The following RFX3 variants were observed in gnomAD, a reference collection of about 807,000 sequenced individuals.
The protein encoded by RFX3 is transcription factor RFX3.
In RFX3, 14 loss-of-function variants were observed where a neutral mutation model predicts 98.6. That is an observed-to-expected ratio of 0.14 (90% CI 0.09 to 0.22). The LOEUF is 0.22. Ranked by LOEUF, RFX3 falls within the 10% of genes least tolerant of loss-of-function variation. The pLI is 1.00. For synonymous variants in RFX3, 383 were observed against 328.4 expected, an observed-to-expected ratio of 1.17 and a Z score of -1.80; for missense variants, 639 against 926.9, an observed-to-expected ratio of 0.69 and a Z score of 4.03.
chr9:3,462,286 T>C (rs1367715430), intron 1 of RFX3, among the ~76,000 whole-genome samples: 2 of 152,038 alleles, frequency 1.3e-5, no homozygotes, highest in Admixed American at 6.5e-5. Context: ...AGAATATCAA[T>C]CAGGATATTT....
intron 3 of RFX3, among the ~76,000 whole-genome samples, chr9:3,333,356 C>T (rs986243450): frequency 6.6e-6 from 1 of 151,726 alleles, no homozygotes; most frequent in Non-Finnish European, 1.5e-5. Flanking sequence ...GGGTAAAGAG[C>T]CCTTTCCAGA....
At chr9:3,390,159 T>C (rs187478179) in intron 2 of RFX3, among the ~76,000 whole-genome samples, 2 of 152,298 alleles carry the variant, frequency 1.3e-5, no homozygotes, top group African/African-American at 4.8e-5. Context: ...AAATTTCATC[T>C]TGAATTATAA....
rs1818997019 is a variant in RFX3 at position 3,524,236 on chromosome 9, A to G, written c.-9+1511T>C. Among the ~76,000 whole-genome samples the G allele has an allele frequency of 2.0e-5, 3 of 152,306 alleles. No homozygotes were observed. In the South Asian group the frequency reaches 6.2e-4, roughly 32 times the overall value. On this transcript the variant is annotated intron_variant, in intron 1 of 16. Transcript: ENST00000617270. ...ACTAAAAGTTAAGCTGAAAAAAATG[A>G]ACAAATTTAGGGGATCTGTAAAACT...
intron 1 of RFX3, among the ~76,000 whole-genome samples, chr9:3,482,265 A>C (rs1849835563): frequency 6.6e-6 from 1 of 151,998 alleles, no homozygotes; most frequent in South Asian, 2.1e-4. Flanking sequence ...TTTCATAATA[A>C]ACTTTGATTT....
chr9:3,272,679 G>A (rs1824655363), intron 9 of RFX3, among the ~76,000 whole-genome samples: 1 of 152,152 alleles, frequency 6.6e-6, no homozygotes, highest in South Asian at 2.1e-4. Context: ...CTCTAAAAGT[G>A]TGGAGCAACT....
intron 1 of RFX3, among the ~76,000 whole-genome samples, chr9:3,435,265 T>C (rs1463570078): frequency 6.6e-6 from 1 of 152,090 alleles, no homozygotes; most frequent in Non-Finnish European, 1.5e-5. Flanking sequence ...TTCTACTTTA[T>C]AAACTTTTTA....
intron 1 of RFX3, among the ~76,000 whole-genome samples, chr9:3,484,247 C>T (rs1346197350): frequency 3.9e-5 from 6 of 152,172 alleles, no homozygotes; most frequent in Non-Finnish European, 7.3e-5. Context: ...CTACTGCCCT[C>T]GGAGACAGCA....
At chr9:3,489,554 A>T in intron 1 of RFX3, 1 of 255,424 alleles carries the variant, frequency 3.9e-6, no homozygotes, top group Non-Finnish European at 6.2e-6. Context: ...TCTACTGATA[A>T]GCCTGCTACT....
chr9:3,348,823 T>C (rs910731278), intron 2 of RFX3, among the ~76,000 whole-genome samples: 2 of 152,154 alleles, frequency 1.3e-5, no homozygotes, highest in African/African-American at 2.4e-5. Flanking sequence ...TAGCCTCTTC[T>C]AACTAGTTCC....
intron 1 of RFX3, among the ~76,000 whole-genome samples, chr9:3,415,147 A>C: frequency 7.3e-6 from 1 of 137,144 alleles, no homozygotes. Context: ...TCTATATACT[A>C]TATATATTCT....
intron 12 of RFX3, among the ~76,000 whole-genome samples, chr9:3,264,715 T>C (rs1823386301): frequency 6.6e-6 from 1 of 152,190 alleles, no homozygotes; most frequent in Non-Finnish European, 1.5e-5. Flanking sequence ...GCCACAGTAG[T>C]TGGAATGCTG....
intron 2 of RFX3, among the ~76,000 whole-genome samples, chr9:3,347,219 G>A (rs961255278): frequency 9.2e-5 from 14 of 152,012 alleles, no homozygotes; most frequent in African/African-American, 3.4e-4. Flanking sequence ...TACTTGGGAG[G>A]CTGAGGCAGG....
rs550111623 is a variant in RFX3 at position 3,442,622 on chromosome 9, A to G, written c.-8-47026T>C. Among the ~76,000 whole-genome samples the G allele has an allele frequency of 5.1e-4, 78 of 152,326 alleles. 1 individual carries two copies. The highest frequency in any genetic ancestry group is 9.7e-4 in the Non-Finnish European group (66 of 68,028). ...TACCCCCTGGTTGCCTAGTTGTAACAAATATATCATGCTTATTTAAAACGT... is the reference window on the plus strand; with the variant it reads ...TACCCCCTGGTTGCCTAGTTGTAACGAATATATCATGCTTATTTAAAACGT... On this transcript the variant is annotated intron_variant, in intron 1 of 16. Transcript: ENST00000617270.
intron 1 of RFX3, among the ~76,000 whole-genome samples, chr9:3,504,874 AT>A (rs1223188768): frequency 1.4e-5 from 1 of 73,498 alleles, no homozygotes. Context: ...TATATATTAT[AT>A]ATATTATATA....
chr9:3,445,439 A>C (rs1480143314), intron 1 of RFX3, among the ~76,000 whole-genome samples: 1 of 152,144 alleles, frequency 6.6e-6, no homozygotes, highest in African/African-American at 2.4e-5. Context: ...TACAGATGAA[A>C]TATCTCAGGG....
chr9:3,469,139 C>G, intron 1 of RFX3: 1 of 455,124 alleles, frequency 2.2e-6, no homozygotes, highest in African/African-American at 2.0e-5. Flanking sequence ...GGGATAAATT[C>G]TGTTCATTTA....
At chr9:3,285,580 C>T (rs1826486113) in intron 7 of RFX3, among the ~76,000 whole-genome samples, 1 of 151,652 alleles carries the variant, frequency 6.6e-6, no homozygotes, top group Admixed American at 6.6e-5. Context: ...AAGACTCCTG[C>T]TGCCCTATAA....
intron 1 of RFX3, among the ~76,000 whole-genome samples, chr9:3,505,690 C>G (rs922456456): frequency 6.6e-6 from 1 of 151,052 alleles, no homozygotes; most frequent in Non-Finnish European, 1.5e-5. Context: ...GGTCTTTGTT[C>G]AAATGTTACC....
chr9:3,454,498 C>T (rs1846972932), intron 1 of RFX3, among the ~76,000 whole-genome samples: 4 of 152,144 alleles, frequency 2.6e-5, no homozygotes, highest in Non-Finnish European at 5.9e-5. Flanking sequence ...CACTTAAAAT[C>T]ACATCAAGCT....
Sources: allele counts gnomAD v4.1 joint callset (sites outside exome capture counted in the v4.1 genomes callset), GRCh38; gene constraint gnomAD v4.1.1; transcripts MANE v1.5; gene names NCBI Gene and HGNC (gene_info 2026-07-23, HGNC 2026-07-21).